SATB2: variants seen among roughly 807,000 people sequenced by gnomAD.
SATB2 encodes the protein SATB homeobox 2, also known as DNA-binding protein SATB2.
In SATB2, 1 loss-of-function variant was observed where a neutral mutation model predicts 73.4. That is an observed-to-expected ratio of 0.01 (90% CI 0.00 to 0.06). The LOEUF is 0.06. Ranked by LOEUF, SATB2 falls within the 10% of genes least tolerant of loss-of-function variation. SATB2 has a pLI of 1.00. For missense variants in SATB2, 459 were observed against 945.8 expected (o/e 0.49, Z 6.75); for synonymous variants, 397 against 367.0 (o/e 1.08, Z -0.93).
chr2:199,331,210 TTTC>T (rs1688180211), intron 7 of SATB2, among the ~76,000 whole-genome samples: 1 of 69,440 alleles, frequency 1.4e-5, no homozygotes, highest in African/African-American at 3.5e-5. Flanking sequence ...TTTTAATTTG[TTTC>T]TTGTTTTTTT....
chr2:199,290,105 C>A (rs1692811353), intron 10 of SATB2, among the ~76,000 whole-genome samples: 1 of 152,208 alleles, frequency 6.6e-6, no homozygotes, highest in South Asian at 2.1e-4. Context: ...AGGCTGTGCT[C>A]CAACAACTCT....
intron 6 of SATB2, among the ~76,000 whole-genome samples, chr2:199,358,157 G>A (rs1195047931): frequency 6.6e-6 from 1 of 152,022 alleles, no homozygotes; most frequent in Non-Finnish European, 1.5e-5. Flanking sequence ...TTTTTAAAAG[G>A]TAAACATAAT....
At chr2:199,395,793 G>T (rs1377745736) in intron 3 of SATB2, 1 of 152,152 alleles carries the variant, frequency 6.6e-6, no homozygotes, top group Non-Finnish European at 1.5e-5. Context: ...ATACTGGGTT[G>T]GGGTAGTATA....
chr2:199,361,238 A>G (rs934240182), intron 6 of SATB2, among the ~76,000 whole-genome samples: 1 of 152,032 alleles, frequency 6.6e-6, no homozygotes, highest in African/African-American at 2.4e-5. Flanking sequence ...CTCCATTGGT[A>G]TTGTCTTATT....
At chr2:199,365,311 A>C (rs1689251075) in intron 6 of SATB2, among the ~76,000 whole-genome samples, 1 of 152,066 alleles carries the variant, frequency 6.6e-6, no homozygotes, top group Admixed American at 6.6e-5. Context: ...ATTAAAAAAA[A>C]AATGCTGTCT....
At chr2:199,324,945 A>G (rs1687989695) in intron 8 of SATB2, among the ~76,000 whole-genome samples, 1 of 152,178 alleles carries the variant, frequency 6.6e-6, no homozygotes, top group African/African-American at 2.4e-5. Context: ...CAACAGAGTT[A>G]TCTCCAAATC....
chr2:199,392,876 C>A (rs1690190406), intron 3 of SATB2, among the ~76,000 whole-genome samples: 2 of 152,084 alleles, frequency 1.3e-5, no homozygotes. Context: ...TGTAAGTCAA[C>A]ATAAAAGAGG....
intron 10 of SATB2, among the ~76,000 whole-genome samples, chr2:199,285,035 C>G (rs1692644681): frequency 6.6e-6 from 1 of 151,986 alleles, no homozygotes; most frequent in East Asian, 1.9e-4. Context: ...GGAATCAATC[C>G]CCCGTGGATA....
chr2:199,323,506 C>CATAT (rs757792732), intron 9 of SATB2, among the ~76,000 whole-genome samples: 2 of 134,624 alleles, frequency 1.5e-5, no homozygotes, highest in African/African-American at 2.8e-5. Flanking sequence ...CACACACACA[C>CATAT]ACATATATAA....
intron 6 of SATB2, among the ~76,000 whole-genome samples, chr2:199,360,334 G>A (rs1689099752): frequency 6.6e-6 from 1 of 151,986 alleles, no homozygotes; most frequent in African/African-American, 2.4e-5. Flanking sequence ...TTTCTGGGCA[G>A]GACAAATGGA....
chr2:199,301,312 G>GT (rs1687284075), intron 10 of SATB2, among the ~76,000 whole-genome samples: 1 of 151,972 alleles, frequency 6.6e-6, no homozygotes, highest in Non-Finnish European at 1.5e-5. Context: ...ATAATGAAAG[G>GT]TTTGTTCTAG....
rs1376331026 is a variant in SATB2, at chr2:199,433,352, G to A, written c.332C>T (p.Ala111Val). ...LLALGYSHSS[A>V]AQAQGIIKLG... ...GGCATTAATACCTTGGGCCTGGGCC[G>A]CAGAGCTGTGAGAATACCCCAGGGC... Residue 111 changes from alanine (A) to valine (V), a missense_variant, in exon 3 of 11, where the codon GCG (alanine) becomes GTG (valine). By Grantham distance (64) the Ala-to-Val change is moderately conservative (BLOSUM62 0). Around this residue, in one of 13 missense-constraint regions of SATB2, gnomAD observed 56 missense variants for 183.7 expected, o/e 0.30. Coordinates refer to ENST00000417098, the MANE Select transcript of SATB2 (RefSeq NM_001172509.2). The A allele has an allele frequency of 3.1e-6, 5 of 1,613,870 alleles. No homozygotes were observed. The highest frequency in any genetic ancestry group is 3.4e-6 in the Non-Finnish European group (4 of 1,179,934).
upstream of SATB2, among the ~76,000 whole-genome samples, chr2:199,469,250 C>G (rs932562344): frequency 3.9e-5 from 6 of 152,166 alleles, no homozygotes; most frequent in African/African-American, 1.4e-4. Context: ...CGTCACCGAG[C>G]GTGTCAGTCA....
intron 10 of SATB2, among the ~76,000 whole-genome samples, chr2:199,302,850 T>C (rs11891161): frequency 0.034 from 5,206 of 152,056 alleles, 310 homozygotes; most frequent in African/African-American, 0.12. Flanking sequence ...TGAAGTGCAC[T>C]TGAACATTAG....
intron 2 of SATB2, among the ~76,000 whole-genome samples, chr2:199,445,580 G>A (rs1691940536): frequency 6.6e-6 from 1 of 152,110 alleles, no homozygotes; most frequent in Non-Finnish European, 1.5e-5. Flanking sequence ...GCTCAAACTT[G>A]CCATATGAAA....
chr2:199,405,523 G>A (rs1423937316), intron 3 of SATB2, among the ~76,000 whole-genome samples: 1 of 152,156 alleles, frequency 6.6e-6, no homozygotes, highest in Admixed American at 6.5e-5. Context: ...GTGCCCTGGA[G>A]GGAAATAGAG....
chr2:199,466,022 C>T (rs1692585903), upstream of SATB2, among the ~76,000 whole-genome samples: 1 of 152,186 alleles, frequency 6.6e-6, no homozygotes, highest in South Asian at 2.1e-4. Context: ...TTTTCCTTTC[C>T]ACTTTTAGCT....
chr2:199,341,146 C>T (rs1178026127), intron 7 of SATB2, among the ~76,000 whole-genome samples: 1 of 152,028 alleles, frequency 6.6e-6, no homozygotes, highest in African/African-American at 2.4e-5. Context: ...TAACAAAGGG[C>T]AAAAGAATGC....
chr2:199,395,643 T>C (rs1441650627), intron 3 of SATB2, among the ~76,000 whole-genome samples: 1 of 152,216 alleles, frequency 6.6e-6, no homozygotes, highest in South Asian at 2.1e-4. Context: ...AAAATGATTA[T>C]AAATTTCTTC....
Sources: allele counts gnomAD v4.1 joint callset (sites outside exome capture counted in the v4.1 genomes callset), GRCh38; gene constraint gnomAD v4.1.1; regional missense constraint gnomAD v4.1.1; transcripts MANE v1.5; gene names NCBI Gene and HGNC (gene_info 2026-07-23, HGNC 2026-07-21).